Variants in LRFN2 observed in about 807,000 individuals in gnomAD.
LRFN2 encodes the protein leucine rich repeat and fibronectin type III domain containing 2.
LRFN2 carries 18 observed loss-of-function variants against 37.3 expected under a neutral mutation model. The ratio of observed to expected loss-of-function variants is 0.48; its 90% CI spans 0.33 to 0.72. The LOEUF is 0.72. Ranked by LOEUF, LRFN2 falls within the 30% of genes least tolerant of loss-of-function variation. The pLI, the probability that LRFN2 is intolerant of heterozygous loss-of-function variation, is 0.02. For missense variants in LRFN2, 1,006 were observed against 1,060.7 expected (o/e 0.95, Z 0.72); for synonymous variants, 556 against 466.6 (o/e 1.19, Z -2.47).
intron 1 of LRFN2, among the ~76,000 whole-genome samples, chr6:40,447,748 G>T (rs907757962): frequency 2.6e-5 from 4 of 152,040 alleles, no homozygotes; most frequent in Non-Finnish European, 2.9e-5. Context: ...ATAAGGTGAG[G>T]CCCATCAAGG....
At chr6:40,394,004 G>A (rs1762566314) in intron 2 of LRFN2, among the ~76,000 whole-genome samples, 1 of 152,196 alleles carries the variant, frequency 6.6e-6, no homozygotes. Flanking sequence ...CTGCATCCCA[G>A]AGGAAAGGGA....
At chr6:40,474,502 T>G (rs188384756) in intron 1 of LRFN2, among the ~76,000 whole-genome samples, 328 of 152,330 alleles carry the variant, frequency 2.2e-3, no homozygotes, top group Non-Finnish European at 3.4e-3. Context: ...TTTGTTTTGT[T>G]TTTTTGAGAT....
chr6:40,554,180 T>C (rs1315843641), intron 1 of LRFN2, among the ~76,000 whole-genome samples: 1 of 152,200 alleles, frequency 6.6e-6, no homozygotes, highest in African/African-American at 2.4e-5. Flanking sequence ...TGAGATATAC[T>C]AAAGCACAAG....
intron 2 of LRFN2, among the ~76,000 whole-genome samples, chr6:40,426,613 G>A (rs553741169): frequency 2.6e-5 from 4 of 152,174 alleles, no homozygotes; most frequent in Non-Finnish European, 5.9e-5. Context: ...TTTTTGTAAC[G>A]GGCCAATGCC....
intron 1 of LRFN2, among the ~76,000 whole-genome samples, chr6:40,496,448 T>C (rs1191257110): frequency 6.6e-6 from 1 of 151,774 alleles, no homozygotes; most frequent in Non-Finnish European, 1.5e-5. Flanking sequence ...ATTCGGTCTC[T>C]GCCTATTCAT....
intron 2 of LRFN2, among the ~76,000 whole-genome samples, chr6:40,416,406 G>A (rs1763092791): frequency 6.6e-6 from 1 of 152,064 alleles, no homozygotes; most frequent in African/African-American, 2.4e-5. Flanking sequence ...AACATCCCAA[G>A]GGGGTGGCGG....
rs539820746 is a variant in LRFN2, at chr6:40,465,051, A to G, written c.-18-31920T>C. On this transcript the variant is annotated intron_variant, in intron 1 of 2. Coordinates refer to ENST00000338305, the MANE Select transcript of LRFN2 (RefSeq NM_020737.3). ...CTGGATTATCCTGGGAGCATCCAAT[A>G]TAATCAATAGGGTCCTTAAATATGA... Among the ~76,000 whole-genome samples the G allele has an allele frequency of 3.3e-4, 51 of 152,330 alleles. 1 individual carries two copies. In the South Asian group the frequency reaches 4.6e-3, roughly 14 times the overall value.
intron 1 of LRFN2, among the ~76,000 whole-genome samples, chr6:40,547,744 A>G (rs1462520859): frequency 6.6e-6 from 1 of 152,128 alleles, no homozygotes; most frequent in African/African-American, 2.4e-5. Context: ...CTGGCCCGCA[A>G]GCAAAGGTGA....
At chr6:40,532,669 TC>T (rs1396220381) in intron 1 of LRFN2, among the ~76,000 whole-genome samples, 1 of 152,214 alleles carries the variant, frequency 6.6e-6, no homozygotes, top group Non-Finnish European at 1.5e-5. Flanking sequence ...GTTCCGGATT[TC>T]CCAGTCAGAA....
At chr6:40,535,824 G>A (rs1766438404) in intron 1 of LRFN2, among the ~76,000 whole-genome samples, 1 of 152,020 alleles carries the variant, frequency 6.6e-6, no homozygotes, top group South Asian at 2.1e-4. Flanking sequence ...TGAGTGTAGA[G>A]AACCCAGGTC....
At chr6:40,429,359 C>T (rs749831056) in intron 2 of LRFN2, among the ~76,000 whole-genome samples, 6 of 152,242 alleles carry the variant, frequency 3.9e-5, no homozygotes, top group Non-Finnish European at 2.9e-5. Flanking sequence ...TTCTCTCCCC[C>T]TCACGAACTG....
chr6:40,547,886 T>A (rs780840347), intron 1 of LRFN2, among the ~76,000 whole-genome samples: 6 of 152,192 alleles, frequency 3.9e-5, no homozygotes, highest in Non-Finnish European at 8.8e-5. Context: ...GGTATTTCAC[T>A]AACCCTGTGG....
intron 1 of LRFN2, among the ~76,000 whole-genome samples, chr6:40,528,080 C>A (rs1766286291): frequency 6.6e-6 from 1 of 152,238 alleles, no homozygotes; most frequent in Non-Finnish European, 1.5e-5. Context: ...AGTGGGAATT[C>A]AAACCCAGGT....
intron 1 of LRFN2, among the ~76,000 whole-genome samples, chr6:40,567,172 T>C (rs1767105462): frequency 6.6e-6 from 1 of 152,138 alleles, no homozygotes; most frequent in African/African-American, 2.4e-5. Context: ...CCTCCCTTAC[T>C]TAGCCTACCT....
At chr6:40,396,705 TG>T in intron 2 of LRFN2, among the ~76,000 whole-genome samples, 1 of 139,702 alleles carries the variant, frequency 7.2e-6, no homozygotes, top group Admixed American at 8.7e-5. Flanking sequence ...TGTGTGTGTG[TG>T]TGTGTGTGTG....
intron 1 of LRFN2, among the ~76,000 whole-genome samples, chr6:40,515,954 C>T (rs1765858896): frequency 6.6e-6 from 1 of 151,376 alleles, no homozygotes; most frequent in Non-Finnish European, 1.5e-5. Flanking sequence ...GGTATAAATA[C>T]CCCTGCTCAC....
intron 2 of LRFN2, among the ~76,000 whole-genome samples, chr6:40,401,803 GC>G (rs1762747300): frequency 6.6e-6 from 1 of 151,994 alleles, no homozygotes; most frequent in South Asian, 2.1e-4. Context: ...CCTCCCCTCT[GC>G]CCCACTAGCA....
intron 1 of LRFN2, among the ~76,000 whole-genome samples, chr6:40,490,810 G>A (rs1478860948): frequency 6.6e-6 from 1 of 152,236 alleles, no homozygotes; most frequent in East Asian, 1.9e-4. Flanking sequence ...CCTGCCTGGG[G>A]CAGGGGAGAT....
At chr6:40,573,715 C>T (rs927683914) in intron 1 of LRFN2, among the ~76,000 whole-genome samples, 14 of 152,174 alleles carry the variant, frequency 9.2e-5, no homozygotes, top group African/African-American at 1.9e-4. Context: ...CAGTGGCTCA[C>T]GCCTGTAATC....
Sources: gnomAD v4.1 joint callset for allele counts (sites outside exome capture counted in the v4.1 genomes callset) on GRCh38, gnomAD v4.1.1 for gene constraint, MANE v1.5 for transcripts, NCBI Gene and HGNC (gene_info 2026-07-23, HGNC 2026-07-21) for gene names.